ATP10D: variants seen among roughly 807,000 people sequenced by gnomAD.
ATP10D encodes phospholipid-transporting ATPase VD.
Under a neutral mutation model 144.8 loss-of-function variants are expected in ATP10D, and 89 were observed. The observed-to-expected ratio is 0.61, with a 90% confidence interval of 0.52 to 0.73. The LOEUF (loss-of-function observed/expected upper bound fraction) is 0.73. Ranked by LOEUF, ATP10D falls within the 30% of genes least tolerant of loss-of-function variation. The probability of loss-of-function intolerance (pLI) is 0.00; values close to 1 mark genes in which losing one functional copy is unlikely to be tolerated. For synonymous variants in ATP10D, 571 were observed against 615.1 expected (o/e 0.93, Z 1.06); for missense variants, 1,603 against 1,714.8 (o/e 0.93, Z 1.15).
In ATP10D at chr4:47,512,811, T is replaced by G; in HGVS notation, c.271T>G (p.Leu91Val). ...ACTTCTGAATTTTGTGCCAAGAAAT[T>G]TATTTGAACAATTTCACAGGTACTG... is the stretch of plus-strand genomic sequence containing the variant. ...YTLLNFVPRN[L>V]FEQFHRAANL... Residue 91 changes from leucine (L) to valine (V), a missense_variant, in exon 2 of 23, where the codon TTA becomes GTA. Transcript: ENST00000273859. The G allele has an allele frequency of 6.2e-7, 1 of 1,600,844 alleles. No individual in the cohort carries two copies. The highest frequency in any genetic ancestry group is 8.6e-7 in the Non-Finnish European group (1 of 1,169,186).
At chr4:47,576,644 G>T (rs1481244366) in intron 18 of ATP10D, 129 bp from the exon 19 acceptor site, 1 of 804,540 alleles carries the variant, frequency 1.2e-6, no homozygotes, top group Non-Finnish European at 2.1e-6. Flanking sequence ...GTAAATTGTG[G>T]TCCTATCTTA....
intron 20 of ATP10D, among the ~76,000 whole-genome samples, chr4:47,581,376 A>T (rs1261025789): frequency 2.0e-5 from 3 of 152,222 alleles, no homozygotes; most frequent in African/African-American, 7.2e-5. Context: ...CACAGTATTA[A>T]GAATGAAAAA....
intron 9 of ATP10D, among the ~76,000 whole-genome samples, chr4:47,539,440 AATAGATCACTGT>A (rs755434614): frequency 1.3e-5 from 2 of 152,190 alleles, no homozygotes; most frequent in Non-Finnish European, 2.9e-5. Context: ...CATCAAACAG[AATAGATCACTGT>A]TAGCATTTTA....
intron 1 of ATP10D, chr4:47,490,953 C>G: frequency 3.9e-6 from 2 of 509,864 alleles, no homozygotes; most frequent in Non-Finnish European, 3.6e-6. Flanking sequence ...AGTCAGAAGT[C>G]TTTTATTTTA....
intron 5 of ATP10D, among the ~76,000 whole-genome samples, chr4:47,526,074 A>G (rs1395861085): frequency 1.3e-5 from 2 of 152,240 alleles, no homozygotes; most frequent in African/African-American, 4.8e-5. Flanking sequence ...TTATCCTGAT[A>G]CTATTACCTT....
chr4:47,555,043 G>A (rs1420906221), intron 11 of ATP10D, 129 bp downstream of exon 11: 1 of 861,044 alleles, frequency 1.2e-6, no homozygotes, highest in South Asian at 1.8e-5. Flanking sequence ...CACTGATTCA[G>A]CATTTGTTCT....
chr4:47,572,346 T>A, intron 17 of ATP10D, 116 bp downstream of exon 17: 1 of 874,328 alleles, frequency 1.1e-6, no homozygotes, highest in African/African-American at 1.7e-5. Context: ...AGCTGAGGAG[T>A]GGGAGACAGG....
chr4:47,495,297 C>T (rs923195820), intron 1 of ATP10D, among the ~76,000 whole-genome samples: 1 of 151,678 alleles, frequency 6.6e-6, no homozygotes, highest in Non-Finnish European at 1.5e-5. Context: ...GCTTGGCTTG[C>T]ATTTTATGAA....
intron 16 of ATP10D, among the ~76,000 whole-genome samples, chr4:47,570,938 A>T (rs576212257): frequency 1.1e-3 from 174 of 152,326 alleles, no homozygotes; most frequent in African/African-American, 4.0e-3. Flanking sequence ...TGTTAAACTG[A>T]GGACTTGGCA....
At chr4:47,582,940 C>T (rs1200024720) in intron 21 of ATP10D, 1 of 152,162 alleles carries the variant, frequency 6.6e-6, no homozygotes, top group East Asian at 1.9e-4. Context: ...GCTAAGAGTT[C>T]AAGACCAGCC....
chr4:47,490,902 G>A (rs1362992650), intron 1 of ATP10D: 1 of 429,648 alleles, frequency 2.3e-6, no homozygotes, highest in Non-Finnish European at 4.3e-6. Flanking sequence ...CCCTTTCAAT[G>A]TATTGTTCAC....
intron 9 of ATP10D, among the ~76,000 whole-genome samples, chr4:47,541,425 G>T (rs1718129474): frequency 6.6e-6 from 1 of 152,118 alleles, no homozygotes. Context: ...TTAAGGCTTG[G>T]GATGTTGAAG....
chr4:47,577,467 C>T (rs532463777), intron 19 of ATP10D, among the ~76,000 whole-genome samples: 1 of 152,204 alleles, frequency 6.6e-6, no homozygotes, highest in Admixed American at 6.5e-5. Context: ...TGGTATGTGA[C>T]CTTGGTAAAT....
In ATP10D at chr4:47,512,617, G is replaced by A. The variant is rs1344930454; in HGVS notation, c.77G>A (p.Gly26Glu). 6 of 1,614,082 alleles carry A rather than the reference G, an allele frequency of 3.7e-6. No individual in the cohort carries two copies. The highest frequency in any genetic ancestry group is 5.1e-6 in the Non-Finnish European group (6 of 1,180,016). ...GGTGCAACCAGGGATGATGATTCAG[G>A]GCCATACAACTATTCCTCGTTGCTC... ...IRGATRDDDS[G>E]PYNYSSLLAC... The change falls in exon 2 of 23, where the codon GGG becomes GAG. Residue 26 changes from glycine to glutamate, a missense_variant. Transcript: ENST00000273859.
intron 9 of ATP10D, among the ~76,000 whole-genome samples, chr4:47,539,806 A>G (rs1208838778): frequency 6.6e-6 from 1 of 152,218 alleles, no homozygotes; most frequent in Non-Finnish European, 1.5e-5. Context: ...TATTTATAAC[A>G]CAAAATTTTG....
rs1315562617 is a variant in ATP10D at position 47,568,840 on chromosome 4, G to A, written c.2857G>A (p.Ala953Thr). ...CACCTTTGCCTCTTGTTTCAAGGAT[G>A]CCTGTGGGATGCTGATGAGCACAAT... is the stretch of plus-strand genomic sequence containing the variant. Reference protein sequence around the residue: ...LFILNTQSKDACGMLMSTILK... With the variant: ...LFILNTQSKDTCGMLMSTILK... The change falls in exon 16 of 23, where the codon GCC becomes ACC. Residue 953 changes from alanine to threonine, a missense_variant. Transcript: ENST00000273859. 1.2e-6 allele frequency: 2 copies of A among 1,611,850 alleles called. No individual in the cohort carries two copies. Among genetic ancestry groups the A allele is most frequent in the East Asian group, 2.2e-5 (1 of 44,834 alleles).
At chr4:47,517,645 A>G (rs1405254362) in intron 3 of ATP10D, among the ~76,000 whole-genome samples, 1 of 152,222 alleles carries the variant, frequency 6.6e-6, no homozygotes, top group African/African-American at 2.4e-5. Context: ...AAAAGCCGTT[A>G]TGATTATTAT....
At chr4:47,553,071 G>T (rs1716097637) in intron 10 of ATP10D, among the ~76,000 whole-genome samples, 1 of 152,188 alleles carries the variant, frequency 6.6e-6, no homozygotes, top group African/African-American at 2.4e-5. Context: ...ATAAGCACTA[G>T]ACAAGAGCAT....
At chr4:47,584,615 C>T (rs1364175668) in intron 21 of ATP10D, among the ~76,000 whole-genome samples, 1 of 152,156 alleles carries the variant, frequency 6.6e-6, no homozygotes. Flanking sequence ...CCAGGATGGT[C>T]TCGATCTCCT....
Sources: allele counts gnomAD v4.1 joint callset (sites outside exome capture counted in the v4.1 genomes callset), GRCh38; gene constraint gnomAD v4.1.1; transcripts MANE v1.5; gene names NCBI Gene and HGNC (gene_info 2026-07-23, HGNC 2026-07-21).